The following PXDNL variants were observed in gnomAD, a reference collection of about 807,000 sequenced individuals.
PXDNL encodes the protein peroxidasin like, also known as probable oxidoreductase PXDNL.
A neutral mutation model predicts 150.8 loss-of-function variants in PXDNL; 145 were observed. The observed-to-expected ratio is 0.96, with a 90% CI of 0.84 to 1.10. The LOEUF (loss-of-function observed/expected upper bound fraction) is 1.10. Among genes scored for constraint, PXDNL ranks in the 50% least tolerant of loss-of-function variants. The probability of loss-of-function intolerance (pLI) is 0.00; values close to 1 mark genes in which losing one functional copy is unlikely to be tolerated. For missense variants in PXDNL, 2,087 were observed against 1,873.9 expected (o/e 1.11, Z -2.10); for synonymous variants, 757 against 725.7 (o/e 1.04, Z -0.69).
chr8:51,746,347 C>A (rs989751124), intron 1 of PXDNL, among the ~76,000 whole-genome samples: 5 of 152,172 alleles, frequency 3.3e-5, no homozygotes, highest in African/African-American at 1.2e-4. Flanking sequence ...AGGGAGTGGC[C>A]ACCAACCACG....
At chr8:51,747,423 T>C (rs950601204) in intron 1 of PXDNL, among the ~76,000 whole-genome samples, 2 of 152,270 alleles carry the variant, frequency 1.3e-5, no homozygotes, top group African/African-American at 4.8e-5. Flanking sequence ...GGGAGAAGTA[T>C]GAGTTAATCT....
chr8:51,486,895 G>T (rs1269664530), intron 5 of PXDNL, among the ~76,000 whole-genome samples: 1 of 141,590 alleles, frequency 7.1e-6, no homozygotes, highest in Non-Finnish European at 1.5e-5. Context: ...CCGCCTCCTG[G>T]GTTCAAGCAA....
chr8:51,576,198 C>CAAAAAAAAAAAAAAAACA (rs1813049539), intron 3 of PXDNL, among the ~76,000 whole-genome samples: 1 of 109,354 alleles, frequency 9.1e-6, no homozygotes, highest in Non-Finnish European at 2.0e-5. Context: ...AACACTGCTC[C>CAAAAAAAAAAAAAAAACA]AAAAAAAAAA....
At chr8:51,475,253 T>C in intron 6 of PXDNL, 112 bp from the exon 7 acceptor site, 4 of 1,049,338 alleles carry the variant, frequency 3.8e-6, no homozygotes, top group Non-Finnish European at 5.5e-6. Flanking sequence ...TGTTACATTT[T>C]TGACTCCAGG....
At chr8:51,586,984 G>C (rs565036011) in intron 3 of PXDNL, among the ~76,000 whole-genome samples, 64 of 152,250 alleles carry the variant, frequency 4.2e-4, no homozygotes, top group African/African-American at 1.5e-3. Context: ...AACATGCACA[G>C]AGATGCATCA....
intron 1 of PXDNL, among the ~76,000 whole-genome samples, chr8:51,663,714 G>C (rs2130816693): frequency 2.0e-5 from 3 of 152,228 alleles, no homozygotes; most frequent in Admixed American, 2.0e-4. Context: ...GGTTCTACCA[G>C]CAGGTGTCAC....
intron 1 of PXDNL, among the ~76,000 whole-genome samples, chr8:51,712,962 G>T (rs1403282413): frequency 2.0e-5 from 3 of 152,138 alleles, no homozygotes; most frequent in Non-Finnish European, 4.4e-5. Flanking sequence ...AAAAAATCTG[G>T]AAGGCTGAGC....
intron 2 of PXDNL, among the ~76,000 whole-genome samples, chr8:51,646,485 G>A (rs991903955): frequency 3.3e-5 from 5 of 152,238 alleles, no homozygotes; most frequent in African/African-American, 1.2e-4. Flanking sequence ...GACCCCCTGT[G>A]TCAGATATTG....
chr8:51,544,615 G>T, intron 4 of PXDNL, among the ~76,000 whole-genome samples: 1 of 152,108 alleles, frequency 6.6e-6, no homozygotes, highest in East Asian at 1.9e-4. Context: ...TTTTCAATCA[G>T]CAAACAATCA....
intron 4 of PXDNL, among the ~76,000 whole-genome samples, chr8:51,538,274 A>G (rs1382183684): frequency 1.3e-5 from 2 of 152,224 alleles, no homozygotes; most frequent in Admixed American, 6.5e-5. Flanking sequence ...TTGCTCTGGT[A>G]TAATTCTACC....
chr8:51,581,332 CA>C lies in PXDNL; in HGVS notation c.308+11294del, dbSNP rs1449606642. 1.3e-4 allele frequency among the ~76,000 whole-genome samples: 20 copies of C among 151,574 alleles called. 1 individual carries two copies. The highest frequency in any genetic ancestry group is 1.2e-3 in the Admixed American group (18 of 15,198). ...CAAAACCCTATCTCTACTAAAAATA[CA>C]AAAAAATTAGCTGGGCATGGTGGCA... On this transcript the variant is annotated intron_variant, in intron 3 of 22. Coordinates refer to ENST00000356297, the MANE Select transcript of PXDNL (RefSeq NM_144651.5).
Position 51,573,040 on chromosome 8 carries a change from T to C in PXDNL, c.309-16129A>G, listed in dbSNP as rs530870853. 1.9e-3 allele frequency among the ~76,000 whole-genome samples: 289 copies of C among 152,056 alleles called. 2 individuals carry two copies. Among genetic ancestry groups the C allele is most frequent in the African/African-American group, 6.7e-3 (279 of 41,520 alleles). Reference sequence around the variant, plus strand: ...GATGAACAAGCAAAAGCCTAGAAAATATCAATGAGTACAGATGACAAAAAG... The same window carrying C: ...GATGAACAAGCAAAAGCCTAGAAAACATCAATGAGTACAGATGACAAAAAG... On this transcript the variant is annotated intron_variant, in intron 3 of 22. Transcript: ENST00000356297.
In PXDNL at chr8:51,613,490, G is replaced by T. The variant is rs75090202; in HGVS notation, c.237-20792C>A. 4.5e-4 allele frequency among the ~76,000 whole-genome samples: 56 copies of T among 123,646 alleles called. No homozygotes were observed. In the East Asian group the frequency reaches 7.7e-3, roughly 17 times the overall value. 81.1% of individuals were successfully genotyped at this position (123,646 alleles called of 152,430 possible). ...ACCTCACAGCTTAAGGGGGCGGGGGGGGGGCAGGGCGGCAGAGGGGGAAGA... is the reference window on the plus strand; with the variant it reads ...ACCTCACAGCTTAAGGGGGCGGGGGTGGGGCAGGGCGGCAGAGGGGGAAGA... On this transcript the variant is annotated intron_variant, in intron 2 of 22. Transcript: ENST00000356297.
At chr8:51,444,071 A>G (rs2129906711) in intron 12 of PXDNL, among the ~76,000 whole-genome samples, 1 of 152,364 alleles carries the variant, frequency 6.6e-6, no homozygotes, top group East Asian at 1.9e-4. Context: ...AAGTATACGT[A>G]TGTAAAGGTC....
chr8:51,800,163 A>G (rs2037603724), intron 1 of PXDNL, among the ~76,000 whole-genome samples: 1 of 152,094 alleles, frequency 6.6e-6, no homozygotes, highest in African/African-American at 2.4e-5. Flanking sequence ...GGCCTGCCCC[A>G]TGTCAAACTT....
intron 1 of PXDNL, among the ~76,000 whole-genome samples, chr8:51,801,534 A>G (rs2129263741): frequency 6.6e-6 from 1 of 152,198 alleles, no homozygotes; most frequent in Non-Finnish European, 1.5e-5. Flanking sequence ...GGACCTACTG[A>G]TATGTGATGT....
chr8:51,495,846 GAGGTACC>G (rs1244972251), intron 5 of PXDNL, among the ~76,000 whole-genome samples: 1 of 152,126 alleles, frequency 6.6e-6, no homozygotes, highest in East Asian at 1.9e-4. Context: ...AATTCTACCA[GAGGTACC>G]AGGAGGAGCT....
At chr8:51,575,157 AT>A (rs1813023423) in intron 3 of PXDNL, among the ~76,000 whole-genome samples, 1 of 152,048 alleles carries the variant, frequency 6.6e-6, no homozygotes, top group Admixed American at 6.6e-5. Flanking sequence ...AGGAGGAAAG[AT>A]TTTTATACTT....
At chr8:51,428,310 T>C (rs1358118085) in intron 12 of PXDNL, among the ~76,000 whole-genome samples, 1 of 57,856 alleles carries the variant, frequency 1.7e-5, no homozygotes, top group African/African-American at 5.4e-5. Context: ...ACAGGTTTAA[T>C]ACAATTCTCA....
Sources: gnomAD v4.1 joint callset for allele counts (sites outside exome capture counted in the v4.1 genomes callset) on GRCh38, gnomAD v4.1.1 for gene constraint, MANE v1.5 for transcripts, NCBI Gene and HGNC (gene_info 2026-07-23, HGNC 2026-07-21) for gene names.